Variants in PTCD1 observed in about 807,000 individuals in gnomAD.
PTCD1 encodes pentatricopeptide repeat-containing protein 1, mitochondrial.
PTCD1 carries 50 observed loss-of-function variants against 53.4 expected under a neutral mutation model. That is an observed-to-expected ratio of 0.94 (90% CI 0.75 to 1.19). The LOEUF is 1.19. PTCD1 is among the 50% of genes most tolerant of loss of function. PTCD1 has a pLI of 0.00. For synonymous variants in PTCD1, 413 were observed against 394.8 expected (o/e 1.05, Z -0.55); for missense variants, 918 against 904.8 (o/e 1.01, Z -0.19).
At chr7:99,437,259 A>C (rs1218739548) in intron 1 of PTCD1, among the ~76,000 whole-genome samples, 2 of 152,218 alleles carry the variant, frequency 1.3e-5, no homozygotes, top group African/African-American at 4.8e-5. Context: ...TTTCTGCTAT[A>C]CTAGTATAGA....
chr7:99,435,161 TACAGGGGTCCAGGTGTTGCAGGATGA>T lies in PTCD1; in HGVS notation c.56_81del (p.Phe19Ter). On this transcript the variant is annotated frameshift_variant, in exon 2 of 8. Transcript: ENST00000292478. LOFTEE classifies it high-confidence loss of function. ...TCCCTGCCTCCTGCCCACCTGGCTC[TACAGGGGTCCAGGTGTTGCAGGATGA>T]ACAGTCCCATGGGGCGGGCCCTGGC... The T allele has an allele frequency of 6.2e-7, 1 of 1,603,400 alleles. No individual in the cohort carries two copies. Among genetic ancestry groups the T allele is most frequent in the Non-Finnish European group, 8.5e-7 (1 of 1,177,320 alleles).
At position 99,425,453 on chromosome 7, in the gene PTCD1, C is replaced by T. The variant is rs769917594; in HGVS notation, c.1079G>A (p.Arg360Lys). Residue 360 changes from arginine (R) to lysine (K), a missense_variant, in exon 6 of 8, where the codon AGG (arginine) becomes AAG (lysine). By Grantham distance (26) the Arg-to-Lys change is conservative. Coordinates refer to ENST00000292478, the MANE Select transcript of PTCD1 (RefSeq NM_015545.4). The stretch of plus-strand genomic sequence containing the variant: ...CTGGGCTGTCCTCCTTGGCCGCTGC[C>T]TGCTCACTGGGGGCTGAAGCACAGT... ...EATVLQPPVS[R>K]QRPRRTAQAK... The T allele has an allele frequency of 1.2e-6, 2 of 1,613,890 alleles. No individual in the cohort carries two copies. The highest frequency in any genetic ancestry group is 1.7e-6 in the Non-Finnish European group (2 of 1,179,990).
Position 99,420,085 on chromosome 7 carries a change from A to G in PTCD1, c.1985T>C (p.Leu662Pro), listed in dbSNP as rs763466441. 1.2e-6 allele frequency: 2 copies of G among 1,614,094 alleles called. No homozygotes were observed. The highest frequency in any genetic ancestry group is 1.7e-6 in the Non-Finnish European group (2 of 1,180,040). Residue 662 changes from leucine to proline, a missense_variant, in exon 8 of 8, where the codon CTG becomes CCG. Transcript: ENST00000292478. ...DGFRAYYKQWLTVMPAEETPH... is the reference protein window; with the variant it reads ...DGFRAYYKQWPTVMPAEETPH... ...GGTTTCCTCTGCGGGCATCACTGTC[A>G]GCCACTGCTTGTAATAGGCTCGGAA...
intron 3 of PTCD1, 42 bp downstream of exon 3, chr7:99,433,236 C>G: frequency 6.2e-7 from 1 of 1,614,118 alleles, no homozygotes; most frequent in East Asian, 2.2e-5. Context: ...CCGCCCCCAG[C>G]TTTTCAGAGC....
chr7:99,420,353 GC>G (rs1795747324), intron 7 of PTCD1, among the ~76,000 whole-genome samples: 1 of 152,188 alleles, frequency 6.6e-6, no homozygotes, highest in South Asian at 2.1e-4. Context: ...GTACCCTGGG[GC>G]AGGCCCAGAG....
At chr7:99,431,793 CTA>C in intron 3 of PTCD1, among the ~76,000 whole-genome samples, 1 of 152,248 alleles carries the variant, frequency 6.6e-6, no homozygotes, top group South Asian at 2.1e-4. Context: ...GTTACTGTGT[CTA>C]TGTAGAAAGA....
At chr7:99,433,153 G>A in intron 3 of PTCD1, 125 bp downstream of exon 3, 1 of 1,450,560 alleles carries the variant, frequency 6.9e-7, no homozygotes, top group Admixed American at 1.7e-5. Context: ...CCATTTTAAG[G>A]AGATGACTCT....
In PTCD1 at chr7:99,419,253, G is replaced by T; in HGVS notation, c.*714C>A. ...GGGAGCCAAATTTTCCCTGTCCAGAGCTGTCAAGGAAGGGTTTCTGAGGTG... is the reference window on the plus strand; with the variant it reads ...GGGAGCCAAATTTTCCCTGTCCAGATCTGTCAAGGAAGGGTTTCTGAGGTG... On this transcript the variant is annotated 3_prime_UTR_variant, in exon 8 of 8. Transcript: ENST00000292478. The T allele has an allele frequency of 9.6e-7, 1 of 1,038,822 alleles. No individual in the cohort carries two copies. The allele number at this position is 1,038,822 out of a possible 1,614,324, so 64.4% of individuals were successfully genotyped here.
intron 3 of PTCD1, 87 bp downstream of exon 3, chr7:99,433,191 C>A: frequency 6.2e-7 from 1 of 1,603,114 alleles, no homozygotes; most frequent in Non-Finnish European, 8.5e-7. Flanking sequence ...GTCACCTGCC[C>A]AGTGTAAAGC....
At position 99,424,957 on chromosome 7, in the gene PTCD1, CGT is replaced by C. The variant is rs777510865; in HGVS notation, c.1573_1574del (p.Thr525AlafsTer114). The C allele has an allele frequency of 4.2e-5, 68 of 1,614,138 alleles. No individual in the cohort carries two copies. The highest frequency in any genetic ancestry group is 5.6e-5 in the Non-Finnish European group (66 of 1,180,046). ...QVEADLTFFNTLVRKKSKLGD... is the reference protein window; with the variant it reads ...QVEADLTFFNXLVRKKSKLGD... ...CCAGCTTGCTCTTCTTTCTCACCAG[CGT>C]GTTAAAGAATGTCAGGTCGGCCTCT... On this transcript the variant is annotated frameshift_variant, in exon 6 of 8. Coordinates refer to ENST00000292478, the MANE Select transcript of PTCD1 (RefSeq NM_015545.4). LOFTEE classifies it high-confidence loss of function.
Position 99,420,074 on chromosome 7 carries a change from G to T in PTCD1, c.1996C>A (p.Pro666Thr). The change falls in exon 8 of 8, where the codon CCC (proline) becomes ACC (threonine). Residue 666 changes from proline to threonine, a missense_variant. Physicochemically the swap from Pro to Thr is conservative, Grantham distance 38 (BLOSUM62 -1). Coordinates refer to ENST00000292478, the MANE Select transcript of PTCD1 (RefSeq NM_015545.4). ...AYYKQWLTVM[P>T]AEETPHPWQK... ...CAGGGGTGCGGGGTTTCCTCTGCGG[G>T]CATCACTGTCAGCCACTGCTTGTAA... is the stretch of plus-strand genomic sequence containing the variant. 6.2e-7 allele frequency: 1 copy of T among 1,614,216 alleles called. No individual in the cohort carries two copies. Among genetic ancestry groups the T allele is most frequent in the Non-Finnish European group, 8.5e-7 (1 of 1,180,030 alleles).
At chr7:99,429,254 C>A (rs1010708886) in intron 4 of PTCD1, 50 bp from the exon 5 acceptor site, 33 of 1,599,548 alleles carry the variant, frequency 2.1e-5, no homozygotes, top group Non-Finnish European at 2.8e-5. Flanking sequence ...GCAGGCTGGG[C>A]ATGGTAGCTC....
chr7:99,423,509 C>T (rs1795905862), intron 7 of PTCD1, among the ~76,000 whole-genome samples: 3 of 152,284 alleles, frequency 2.0e-5, no homozygotes, highest in African/African-American at 7.2e-5. Flanking sequence ...CCGAAGCAGG[C>T]AAGAGGTTGG....
At chr7:99,425,757 C>G in intron 5 of PTCD1, 141 bp from the exon 6 acceptor site, 1 of 1,164,970 alleles carries the variant, frequency 8.6e-7, no homozygotes, top group Non-Finnish European at 1.2e-6. Flanking sequence ...GACCGGGCAA[C>G]ATAGCAAGAC....
chr7:99,425,231 G>C lies in PTCD1; in HGVS notation c.1301C>G (p.Pro434Arg), dbSNP rs147963003. 2 of 1,611,980 alleles carry C rather than the reference G, an allele frequency of 1.2e-6. No individual in the cohort carries two copies. Among genetic ancestry groups the C allele is most frequent in the South Asian group, 1.1e-5 (1 of 91,026 alleles). Residue 434 changes from proline (P) to arginine (R), a missense_variant, in exon 6 of 8, where the codon CCT (proline) becomes CGT (arginine). Physicochemically the swap from Pro to Arg is moderately radical, Grantham distance 103 (BLOSUM62 -2). Transcript: ENST00000292478. Reference sequence around the variant, plus strand: ...GAGGTTGACTTCCAGCTCCACGGGAGGTGGCTTCAGGGCCACTGCGGTGAG... The same window carrying C: ...GAGGTTGACTTCCAGCTCCACGGGACGTGGCTTCAGGGCCACTGCGGTGAG... ...AALTAVALKP[P>R]PVELEVNLLT... is the part of the protein sequence containing the mutation.
chr7:99,425,130 T>A lies in PTCD1; in HGVS notation c.1402A>T (p.Ile468Leu). Residue 468 changes from isoleucine to leucine, a missense_variant, in exon 6 of 8, where the codon ATA (isoleucine) becomes TTA (leucine). Coordinates refer to ENST00000292478, the MANE Select transcript of PTCD1 (RefSeq NM_015545.4). The stretch of plus-strand genomic sequence containing the variant: ...CTCAGGAAGCCCTCCAGGCCCCCTA[T>A]CAAGGCCAGCCGGTCAGCTGGGGTG... ...VTTPADRLAL[I>L]GGLEGFLSKM... 6.2e-7 allele frequency: 1 copy of A among 1,613,912 alleles called. No individual in the cohort carries two copies. Among genetic ancestry groups the A allele is most frequent in the Non-Finnish European group, 8.5e-7 (1 of 1,179,944 alleles).
At chr7:99,436,070 C>A (rs757798687) in intron 1 of PTCD1, among the ~76,000 whole-genome samples, 1 of 152,108 alleles carries the variant, frequency 6.6e-6, no homozygotes, top group Non-Finnish European at 1.5e-5. Context: ...TTCAGCCTCC[C>A]GAGTAGCTGG....
chr7:99,421,540 C>G (rs1387713984), intron 7 of PTCD1, among the ~76,000 whole-genome samples: 1 of 147,926 alleles, frequency 6.8e-6, no homozygotes, highest in Admixed American at 6.8e-5. Context: ...GTCGGGAGTT[C>G]AAGACCAGCC....
At chr7:99,431,255 G>A (rs1035096305) in intron 3 of PTCD1, among the ~76,000 whole-genome samples, 42 of 151,452 alleles carry the variant, frequency 2.8e-4, no homozygotes, top group Non-Finnish European at 5.3e-4. Flanking sequence ...TCAGCCTCCT[G>A]AGTAGCTGGG....
Sources: allele counts gnomAD v4.1 joint callset (sites outside exome capture counted in the v4.1 genomes callset), GRCh38; gene constraint gnomAD v4.1.1; transcripts MANE v1.5; gene names NCBI Gene and HGNC (gene_info 2026-07-23, HGNC 2026-07-21).